AKT3: variants seen among roughly 807,000 people sequenced by gnomAD.
AKT3 encodes AKT serine/threonine kinase 3.
Under a neutral mutation model 65.3 loss-of-function variants are expected in AKT3, and 15 were observed. That is an observed-to-expected ratio of 0.23 (90% CI 0.15 to 0.35). AKT3 has a LOEUF of 0.35. AKT3 is among the 10% of genes least tolerant of loss of function. AKT3 has a pLI of 1.00. For synonymous variants in AKT3, 206 were observed against 183.8 expected (o/e 1.12, Z -0.98); for missense variants, 243 against 576.5 (o/e 0.42, Z 5.92).
intron 3 of AKT3, among the ~76,000 whole-genome samples, chr1:243,689,277 C>T (rs1572175044): frequency 6.6e-6 from 1 of 151,864 alleles, no homozygotes; most frequent in Admixed American, 6.6e-5. Context: ...AATTCATGTA[C>T]ATTTATATAG....
chr1:243,772,802 G>C (rs1190152521), intron 2 of AKT3, among the ~76,000 whole-genome samples: 1 of 152,038 alleles, frequency 6.6e-6, no homozygotes, highest in Non-Finnish European at 1.5e-5. Flanking sequence ...GTCCAACAAT[G>C]ACAGACTGGA....
intron 2 of AKT3, among the ~76,000 whole-genome samples, chr1:243,742,059 T>TAAAAAAAAAAAAAAAAAAAAAATAA (rs36056068): frequency 6.4e-5 from 8 of 125,484 alleles, no homozygotes; most frequent in East Asian, 2.2e-4. Context: ...GATAGAAAAT[T>TAAAAAAAAAAAAAAAAAAAAAATAA]AAAAAAAAAA....
chr1:243,678,020 G>A (rs377564406), intron 3 of AKT3, among the ~76,000 whole-genome samples: 43 of 152,118 alleles, frequency 2.8e-4, no homozygotes, highest in East Asian at 1.9e-3. Context: ...TCTGGGAGGC[G>A]GAGGTTGCAG....
intron 2 of AKT3, among the ~76,000 whole-genome samples, chr1:243,822,284 A>T (rs1693900700): frequency 6.6e-6 from 1 of 152,204 alleles, no homozygotes; most frequent in Non-Finnish European, 1.5e-5. Context: ...AGCAGTGTTA[A>T]GAGGGAAATT....
intron 6 of AKT3, among the ~76,000 whole-genome samples, chr1:243,623,390 A>T (rs576404630): frequency 3.2e-4 from 48 of 152,342 alleles, no homozygotes; most frequent in African/African-American, 1.1e-3. Flanking sequence ...AGGAATACCT[A>T]GAGAACTGGT....
intron 2 of AKT3, among the ~76,000 whole-genome samples, chr1:243,715,461 C>T (rs753951403): frequency 1.3e-5 from 2 of 152,070 alleles, no homozygotes; most frequent in African/African-American, 2.4e-5. Flanking sequence ...ACTTTGGTTT[C>T]GACATAGACA....
At chr1:243,780,594 A>G (rs1690844549) in intron 2 of AKT3, among the ~76,000 whole-genome samples, 1 of 151,282 alleles carries the variant, frequency 6.6e-6, no homozygotes, top group African/African-American at 2.4e-5. Flanking sequence ...CTATATAAAT[A>G]TATTTAAAAT....
At chr1:243,685,508 T>G (rs1391278450) in intron 3 of AKT3, among the ~76,000 whole-genome samples, 1 of 152,230 alleles carries the variant, frequency 6.6e-6, no homozygotes, top group Non-Finnish European at 1.5e-5. Flanking sequence ...GTGTTATTTC[T>G]GAGGCCTCTG....
chr1:243,808,564 T>G (rs1048732814), intron 2 of AKT3, among the ~76,000 whole-genome samples: 1 of 152,156 alleles, frequency 6.6e-6, no homozygotes, highest in Non-Finnish European at 1.5e-5. Flanking sequence ...TTGGTGCACC[T>G]GAAAGTGACA....
Position 243,502,350 on chromosome 1 carries a change from C to T in AKT3, c.*2899G>A, listed in dbSNP as rs1405103967. The T allele has an allele frequency of 8.6e-6, 2 of 232,910 alleles. No homozygotes were observed. Among genetic ancestry groups the T allele is most frequent in the Admixed American group, 5.6e-5 (1 of 17,766 alleles). The allele number at this position is 232,910 out of a possible 1,614,324, so 14.4% of individuals were successfully genotyped here. A position where few individuals can be genotyped will look rare whatever the true frequency, so the allele number is the denominator to read the frequency against. On this transcript the variant is annotated 3_prime_UTR_variant, in exon 14 of 14. Transcript: ENST00000673466. ...GAAATCAGGGATGGGAAATGGAAAA[C>T]AATACTTGAATAATGCTATGTAATT...
At chr1:243,499,195 T>TTTGG (rs1668865410), downstream of AKT3, among the ~76,000 whole-genome samples, 2 of 152,214 alleles carry the variant, frequency 1.3e-5, no homozygotes, top group Non-Finnish European at 2.9e-5. Context: ...TGCGTAAAAC[T>TTTGG]AAGAGACCTC....
At chr1:243,667,431 C>T (rs770312947) in intron 3 of AKT3, among the ~76,000 whole-genome samples, 2 of 152,112 alleles carry the variant, frequency 1.3e-5, no homozygotes, top group Admixed American at 6.6e-5. Flanking sequence ...TTCAATTGCC[C>T]AAGCTGAAAA....
chr1:243,850,615 T>C (rs1218729901), upstream of AKT3, among the ~76,000 whole-genome samples: 2 of 148,568 alleles, frequency 1.3e-5, no homozygotes, highest in Non-Finnish European at 3.0e-5. Flanking sequence ...GCGGGGCTTG[T>C]TGTTGACTTT....
chr1:243,493,082 C>T (rs1041706603), intron 13 of AKT3, among the ~76,000 whole-genome samples: 5 of 152,154 alleles, frequency 3.3e-5, no homozygotes, highest in African/African-American at 1.2e-4. Flanking sequence ...AGATGCAGTT[C>T]CCCACACTCT....
intron 10 of AKT3, among the ~76,000 whole-genome samples, chr1:243,553,554 T>C (rs554280937): frequency 6.6e-6 from 1 of 152,332 alleles, no homozygotes; most frequent in African/African-American, 2.4e-5. Context: ...TAAAAGCTTA[T>C]GGTACGAGCT....
chr1:243,715,964 C>A (rs959208), intron 2 of AKT3, among the ~76,000 whole-genome samples: 19,614 of 151,996 alleles, frequency 0.13, 1,573 homozygotes, highest in East Asian at 0.33. Flanking sequence ...TGTTGTTACA[C>A]CATTTGATCA....
intron 2 of AKT3, among the ~76,000 whole-genome samples, chr1:243,705,909 T>A (rs1685768551): frequency 6.6e-6 from 1 of 152,216 alleles, no homozygotes; most frequent in Admixed American, 6.5e-5. Flanking sequence ...CACACCGGAT[T>A]TAACACAAAG....
chr1:243,846,617 T>C (rs1198109762), intron 1 of AKT3, among the ~76,000 whole-genome samples: 2 of 152,292 alleles, frequency 1.3e-5, no homozygotes, highest in East Asian at 3.9e-4. Flanking sequence ...GATGCTATAA[T>C]AAAATCTGTA....
rs989138854 is a variant in AKT3 at position 243,633,054 on chromosome 1, G to A, written c.561+4557C>T. ...ACAAGGGCACCCTAATAAGATTATC[G>A]AAGATTTCTCATCAGAAACATTGAA... On this transcript the variant is annotated intron_variant, in intron 6 of 13. Coordinates refer to ENST00000673466, the MANE Select transcript of AKT3 (RefSeq NM_005465.7). 5.9e-5 allele frequency among the ~76,000 whole-genome samples: 9 copies of A among 152,236 alleles called. No individual in the cohort carries two copies. The South Asian group carries it at 6.2e-4, about 11-fold the overall frequency.
Sources: gnomAD v4.1 joint callset for allele counts (sites outside exome capture counted in the v4.1 genomes callset) on GRCh38, gnomAD v4.1.1 for gene constraint, MANE v1.5 for transcripts, NCBI Gene and HGNC (gene_info 2026-07-23, HGNC 2026-07-21) for gene names.